CDHR1: variants seen among roughly 807,000 people sequenced by gnomAD.
CDHR1 encodes the protein cadherin related family member 1, also known as cadherin-related family member 1.
A neutral mutation model predicts 72.1 loss-of-function variants in CDHR1; 61 were observed. The observed-to-expected ratio is 0.85, with a 90% CI of 0.69 to 1.05. The LOEUF is 1.05. Among genes scored for constraint, CDHR1 ranks in the 50% least tolerant of loss-of-function variants. CDHR1 has a pLI of 0.00. For missense variants in CDHR1, 1,186 were observed against 1,115.7 expected, an observed-to-expected ratio of 1.06 and a Z score of -0.90; for synonymous variants, 470 against 448.1, an observed-to-expected ratio of 1.05 and a Z score of -0.62.
chr10:84,219,453 C>A, downstream of CDHR1: 1 of 1,037,348 alleles, frequency 9.6e-7, no homozygotes, highest in Non-Finnish European at 1.3e-6. Context: ...CTCATGTGCA[C>A]CACCAAGCTT....
In CDHR1 at chr10:84,215,264, A is replaced by G. The variant is rs553617876; in HGVS notation, c.*643A>G. 3 of 990,248 alleles carry G rather than the reference A, an allele frequency of 3.0e-6. No individual in the cohort carries two copies. Among genetic ancestry groups the G allele is most frequent in the Non-Finnish European group, 3.6e-6 (3 of 832,828 alleles). The allele number at this position is 990,248 out of a possible 1,614,324, so 61.3% of individuals were successfully genotyped here. A position where few individuals can be genotyped will look rare whatever the true frequency, so the allele number is the denominator to read the frequency against. On this transcript the variant is annotated 3_prime_UTR_variant, in exon 17 of 17. Transcript: ENST00000623527. ...AGAGACTGTGGACCCTGGTATGCCC[A>G]CGTGGGACAGAGGACACAGAGGTGG...
chr10:84,213,903 T>A (rs1842381642), intron 16 of CDHR1, among the ~76,000 whole-genome samples, 179 bp from the exon 17 acceptor site: 1 of 152,228 alleles, frequency 6.6e-6, no homozygotes, highest in Admixed American at 6.5e-5. Flanking sequence ...ACTGCATGCA[T>A]CATGCTCTCT....
chr10:84,205,723 T>A (rs1842212504), intron 9 of CDHR1, 104 bp from the exon 10 acceptor site: 1 of 766,160 alleles, frequency 1.3e-6, no homozygotes, highest in African/African-American at 1.7e-5. Flanking sequence ...AGGATTCCAT[T>A]CTATGAAGAC....
chr10:84,213,388 G>T (rs750276022), intron 16 of CDHR1, 40 bp downstream of exon 16: 1 of 1,613,634 alleles, frequency 6.2e-7, no homozygotes, highest in East Asian at 2.2e-5. Context: ...GGGTCAGCAG[G>T]CCAGCTCAGA....
At chr10:84,206,175 G>C (rs12217214) in intron 10 of CDHR1, among the ~76,000 whole-genome samples, 2 of 152,102 alleles carry the variant, frequency 1.3e-5, no homozygotes, top group Non-Finnish European at 2.9e-5. Context: ...CCAGAGGCGG[G>C]CATTGGGTGG....
chr10:84,201,764 C>T, intron 6 of CDHR1, 43 bp from the exon 7 acceptor site: 1 of 1,516,658 alleles, frequency 6.6e-7, no homozygotes, highest in Non-Finnish European at 9.1e-7. Context: ...CTGGGGCTGG[C>T]CTGCATTCTT....
rs1207195351 is a variant in CDHR1 at position 84,214,613 on chromosome 10, T to A, written c.2572T>A (p.Tyr858Asn). ...GAAGAAGAGTGTGCACAACAAGGCT[T>A]ACTTCTAGTGTATGCCCTATGACCC... ...FEKKSVHNKA[Y>N]F The change falls in exon 17 of 17, where the codon TAC becomes AAC. Residue 858 changes from tyrosine (Y) to asparagine (N), a missense_variant. Transcript: ENST00000623527. 6.3e-7 allele frequency: 1 copy of A among 1,599,790 alleles called. No individual in the cohort carries two copies. The highest frequency in any genetic ancestry group is 1.7e-5 in the Admixed American group (1 of 60,024).
chr10:84,195,695 G>A (rs535385206), intron 2 of CDHR1, 106 bp downstream of exon 2: 3 of 919,848 alleles, frequency 3.3e-6, no homozygotes, highest in South Asian at 1.4e-5. Context: ...GCGCGCCCGG[G>A]GGCTCCTTGT....
At position 84,208,750 on chromosome 10, in the gene CDHR1, T is replaced by C. The variant is rs758996643; in HGVS notation, c.1189T>C (p.Leu397=). 1 of 1,614,200 alleles carries C rather than the reference T, an allele frequency of 6.2e-7. No homozygotes were observed. The highest frequency in any genetic ancestry group is 1.7e-5 in the Admixed American group (1 of 60,028). ...SDQGANAKFN[L]QLVGPRGIFR... ...CTAGGGAGCCAATGCCAAATTCAACTTGCAGCTGGTGGGACCCAGGGGCAT... is the reference window on the plus strand; with the variant it reads ...CTAGGGAGCCAATGCCAAATTCAACCTGCAGCTGGTGGGACCCAGGGGCAT... The change falls in exon 12 of 17, where the codon TTG becomes CTG. Residue 397 remains leucine (L), a synonymous_variant. Coordinates refer to ENST00000623527, the MANE Select transcript of CDHR1 (RefSeq NM_033100.4).
intron 2 of CDHR1, among the ~76,000 whole-genome samples, 200 bp from the exon 3 acceptor site, chr10:84,196,305 G>A (rs554940253): frequency 7.2e-5 from 11 of 152,186 alleles, no homozygotes; most frequent in Non-Finnish European, 1.5e-4. Flanking sequence ...ACAACCACCC[G>A]CTGTGAAGAA....
At chr10:84,199,433 T>A (rs1258314844) in intron 5 of CDHR1, among the ~76,000 whole-genome samples, 3 of 152,266 alleles carry the variant, frequency 2.0e-5, no homozygotes, top group Non-Finnish European at 4.4e-5. Flanking sequence ...TTTGTCATTA[T>A]AGAGTTTTGT....
In CDHR1 at chr10:84,214,406, C is replaced by T; in HGVS notation, c.2365C>T (p.Pro789Ser). The T allele has an allele frequency of 6.2e-7, 1 of 1,613,834 alleles. No homozygotes were observed. Among genetic ancestry groups the T allele is most frequent in the Non-Finnish European group, 8.5e-7 (1 of 1,180,030 alleles). ...NNNSPESSLL[P>S]RAPALPPPPS... is the part of the protein sequence containing the mutation. ...CAACAGCCCAGAAAGCTCTCTGCTC[C>T]CGAGAGCTCCGGCTCTCCCTCCACC... is the stretch of plus-strand genomic sequence containing the variant. Residue 789 changes from proline to serine, a missense_variant, in exon 17 of 17, where the codon CCG becomes TCG. Transcript: ENST00000623527.
At position 84,212,252 on chromosome 10, in the gene CDHR1, A is replaced by T. The variant is rs760730346; in HGVS notation, c.1627A>T (p.Arg543Trp). The change falls in exon 15 of 17, where the codon AGG becomes TGG. Residue 543 changes from arginine to tryptophan, a missense_variant. By Grantham distance (101) the Arg-to-Trp change is moderately radical. Transcript: ENST00000623527. ...WASLDAEATA[R>W]YNFYVKAEDM... Reference sequence around the variant, plus strand: ...TAGCCTGGACGCTGAGGCCACTGCCAGGTACAACTTCTATGTGAAGGCAGA... The same window carrying T: ...TAGCCTGGACGCTGAGGCCACTGCCTGGTACAACTTCTATGTGAAGGCAGA... The T allele has an allele frequency of 1.2e-6, 2 of 1,614,246 alleles. No individual in the cohort carries two copies. Among genetic ancestry groups the T allele is most frequent in the Non-Finnish European group, 1.7e-6 (2 of 1,180,040 alleles).
Position 84,213,103 on chromosome 10 carries a change from G to T in CDHR1, c.1795G>T (p.Asp599Tyr), listed in dbSNP as rs1842364923. Residue 599 changes from aspartate to tyrosine, a missense_variant, in exon 16 of 17, where the codon GAT becomes TAT. Coordinates refer to ENST00000623527, the MANE Select transcript of CDHR1 (RefSeq NM_033100.4). ...TCCCTGCGCACAGGCCATAGACGAG[G>T]ATGCAGAGGAACCCAACAACCTGGT... ...TPVKIEAIDE[D>Y]AEEPNNLVDY... 1 of 1,614,076 alleles carries T rather than the reference G, an allele frequency of 6.2e-7. No homozygotes were observed. The highest frequency in any genetic ancestry group is 1.3e-5 in the African/African-American group (1 of 74,922).
rs767732859 is a variant in CDHR1 at position 84,213,363 on chromosome 10, A to G, written c.2040+15A>G. ...CAGATGCTGAGGTGAGTACAAAGCC[A>G]TGGTCAGGAAAAAGGGGTCAGCAGG... On this transcript the variant is annotated intron_variant, in intron 16 of 16. Transcript: ENST00000623527. 5 of 1,614,098 alleles carry G rather than the reference A, an allele frequency of 3.1e-6. No homozygotes were observed. In the South Asian group the frequency reaches 4.4e-5, roughly 14 times the overall value.
At position 84,212,321 on chromosome 10, in the gene CDHR1, C is replaced by T. The variant is rs2132831265; in HGVS notation, c.1696C>T (p.Leu566=). The change falls in exon 15 of 17, where the codon CTG becomes TTG. Residue 566 remains leucine (L), a synonymous_variant. Transcript: ENST00000623527. ...CAGCGTAGCTGAGGTGTTTATCACA[C>T]TGCTGGATGTCAATGACCACCCCCC... ...KYSVAEVFIT[L]LDVNDHPPQF... is the part of the protein sequence containing the mutation. 1.2e-6 allele frequency: 2 copies of T among 1,614,214 alleles called. No homozygotes were observed. Among genetic ancestry groups the T allele is most frequent in the Non-Finnish European group, 1.7e-6 (2 of 1,180,040 alleles).
intron 16 of CDHR1, 28 bp from the exon 17 acceptor site, chr10:84,214,054 G>C (rs778075607): frequency 1.2e-6 from 2 of 1,614,044 alleles, no homozygotes; most frequent in Non-Finnish European, 1.7e-6. Flanking sequence ...GGGAACAGCT[G>C]AGTGCAGGGA....
chr10:84,196,722 G>A, intron 3 of CDHR1, 72 bp downstream of exon 3: 2 of 1,560,178 alleles, frequency 1.3e-6, no homozygotes, highest in Non-Finnish European at 1.8e-6. Context: ...AAGTTCCCCT[G>A]GAGCACATTG....
intron 1 of CDHR1, 43 bp downstream of exon 1, chr10:84,194,858 G>A: frequency 6.6e-7 from 1 of 1,521,476 alleles, no homozygotes; most frequent in Non-Finnish European, 8.8e-7. Context: ...GATGGCGAGG[G>A]AGATGGGCGC....
Sources: allele counts gnomAD v4.1 joint callset (sites outside exome capture counted in the v4.1 genomes callset), GRCh38; gene constraint gnomAD v4.1.1; transcripts MANE v1.5; gene names NCBI Gene and HGNC (gene_info 2026-07-23, HGNC 2026-07-21).